Variants in NHSL1 observed in about 807,000 individuals in gnomAD.
NHSL1 encodes NHS like 1, also known as NHS-like protein 1.
Under a neutral mutation model 95.0 loss-of-function variants are expected in NHSL1, and 48 were observed. The observed-to-expected ratio is 0.51, with a 90% CI of 0.40 to 0.64. The LOEUF is 0.64. NHSL1 is among the 30% of genes least tolerant of loss of function. NHSL1 has a pLI of 0.00. For missense variants in NHSL1, 1,971 were observed against 2,077.7 expected (o/e 0.95, Z 1.00); for synonymous variants, 783 against 833.9 (o/e 0.94, Z 1.05).
At chr6:138,635,116 C>T (rs1784871155) in intron 1 of NHSL1, among the ~76,000 whole-genome samples, 2 of 148,970 alleles carry the variant, frequency 1.3e-5, no homozygotes, top group South Asian at 4.3e-4. Flanking sequence ...CCTAACAATA[C>T]ATCTTAATTA....
rs77852566 is a variant in NHSL1 at position 138,506,028 on chromosome 6, A to C, written c.17-9657T>G. On this transcript the variant is annotated intron_variant, in intron 1 of 4. Coordinates refer to the NHSL1 transcript ENST00000342260. ...TCTATAGACACACCCATTCATTCTT[A>C]TGCTTTTCAGACTCATTGAAACATT... Among the ~76,000 whole-genome samples the C allele has an allele frequency of 3.3e-5, 5 of 152,328 alleles. No homozygotes were observed. In the East Asian group the frequency reaches 9.6e-4, roughly 29 times the overall value.
intron 1 of NHSL1, among the ~76,000 whole-genome samples, chr6:138,670,362 G>T (rs552041633): frequency 6.8e-6 from 1 of 146,802 alleles, no homozygotes; most frequent in Admixed American, 6.7e-5. Context: ...AGCAAACACC[G>T]TTGAAGGTAA....
At chr6:138,677,388 A>G (rs1009041498) in intron 1 of NHSL1, among the ~76,000 whole-genome samples, 8 of 152,256 alleles carry the variant, frequency 5.3e-5, no homozygotes, top group African/African-American at 1.4e-4. Context: ...GATGCTGTTT[A>G]AAGTTCTAGG....
chr6:138,469,681 C>T (rs915181244), intron 3 of NHSL1, among the ~76,000 whole-genome samples: 3 of 151,990 alleles, frequency 2.0e-5, no homozygotes, highest in South Asian at 2.1e-4. Flanking sequence ...ACCGTGACTG[C>T]GCCACTGCAC....
At chr6:138,483,902 G>C (rs182853209) in intron 2 of NHSL1, among the ~76,000 whole-genome samples, 1 of 152,248 alleles carries the variant, frequency 6.6e-6, no homozygotes, top group East Asian at 1.9e-4. Context: ...ATATGACAAA[G>C]GTGATGGCCC....
intron 1 of NHSL1, among the ~76,000 whole-genome samples, chr6:138,612,910 T>C (rs1337546359): frequency 6.6e-6 from 1 of 152,214 alleles, no homozygotes; most frequent in Non-Finnish European, 1.5e-5. Context: ...GGAAAGGGCA[T>C]GGAGATACCA....
chr6:138,663,459 TAA>T (rs1785253902), intron 1 of NHSL1, among the ~76,000 whole-genome samples: 1 of 144,240 alleles, frequency 6.9e-6, no homozygotes, highest in Admixed American at 7.2e-5. Context: ...CGCGGGAGGC[TAA>T]AGGCAGGAGA....
At chr6:138,645,898 C>T (rs191569027) in intron 1 of NHSL1, among the ~76,000 whole-genome samples, 28 of 152,222 alleles carry the variant, frequency 1.8e-4, no homozygotes, top group Middle Eastern at 3.4e-3. Flanking sequence ...TAAAAGGTGT[C>T]TGGCAGAAAA....
chr6:138,452,348 T>A (rs2128225263), intron 3 of NHSL1, among the ~76,000 whole-genome samples: 1 of 152,296 alleles, frequency 6.6e-6, no homozygotes, highest in East Asian at 1.9e-4. Context: ...TGAAATAGGG[T>A]CTCTTTCCCA....
Position 138,584,637 on chromosome 6 carries a change from G to A in NHSL1, c.97-88266C>T, listed in dbSNP as rs1286424066. Among the ~76,000 whole-genome samples the A allele has an allele frequency of 5.9e-5, 9 of 152,130 alleles. 1 individual carries two copies. Among genetic ancestry groups the A allele is most frequent in the African/African-American group, 1.4e-4 (6 of 41,422 alleles). ...GAACACTTAAGACACTCAGACACTC[G>A]GAAATTTGAGGTTGAAACACTTGTT... is the stretch of plus-strand genomic sequence containing the variant. On this transcript the variant is annotated intron_variant, in intron 1 of 3. Coordinates refer to the NHSL1 transcript ENST00000491526.
At chr6:138,562,788 C>G (rs1783462903) in intron 1 of NHSL1, among the ~76,000 whole-genome samples, 1 of 152,134 alleles carries the variant, frequency 6.6e-6, no homozygotes, top group South Asian at 2.1e-4. Flanking sequence ...CCTAGATGAC[C>G]TGGTTCTAAC....
At chr6:138,687,302 G>T (rs903750621) in intron 1 of NHSL1, among the ~76,000 whole-genome samples, 2 of 151,742 alleles carry the variant, frequency 1.3e-5, no homozygotes, top group African/African-American at 4.8e-5. Flanking sequence ...AGAAGAAGAA[G>T]ACGAAGTGCA....
intron 1 of NHSL1, among the ~76,000 whole-genome samples, chr6:138,513,394 A>G (rs1420277279): frequency 6.6e-6 from 1 of 151,918 alleles, no homozygotes; most frequent in Non-Finnish European, 1.5e-5. Context: ...TTCTTTTTCC[A>G]GAGACAGGGA....
chr6:138,686,022 T>A (rs1785580696), intron 1 of NHSL1, among the ~76,000 whole-genome samples: 1 of 152,162 alleles, frequency 6.6e-6, no homozygotes, highest in African/African-American at 2.4e-5. Flanking sequence ...TACCAAGGGC[T>A]GTAGGAAGAA....
intron 1 of NHSL1, among the ~76,000 whole-genome samples, chr6:138,577,813 T>G (rs1161970435): frequency 9.9e-5 from 15 of 152,144 alleles, no homozygotes; most frequent in Non-Finnish European, 1.8e-4. Flanking sequence ...TATCTCAATA[T>G]CAAAAGTAAA....
chr6:138,660,651 A>G (rs1785214996), intron 1 of NHSL1, among the ~76,000 whole-genome samples: 1 of 150,254 alleles, frequency 6.7e-6, no homozygotes, highest in Admixed American at 6.7e-5. Flanking sequence ...AAAAAAAAAA[A>G]GAAAAAAAAA....
At chr6:138,566,369 G>A (rs1363734662) in intron 1 of NHSL1, among the ~76,000 whole-genome samples, 3 of 151,890 alleles carry the variant, frequency 2.0e-5, no homozygotes, top group Non-Finnish European at 4.4e-5. Flanking sequence ...CTGCACTCCA[G>A]CCTGGGCGAC....
At chr6:138,569,028 A>C (rs1163274455) in intron 1 of NHSL1, among the ~76,000 whole-genome samples, 1 of 152,204 alleles carries the variant, frequency 6.6e-6, no homozygotes, top group Non-Finnish European at 1.5e-5. Flanking sequence ...GGAGCTCAGC[A>C]GGCTAATGGT....
At chr6:138,634,180 C>T (rs2114666635) in intron 1 of NHSL1, among the ~76,000 whole-genome samples, 1 of 151,884 alleles carries the variant, frequency 6.6e-6, no homozygotes, top group East Asian at 1.9e-4. Context: ...AACCAGAAAA[C>T]AACAAAATGG....
Sources: gnomAD v4.1 joint callset for allele counts (sites outside exome capture counted in the v4.1 genomes callset) on GRCh38, gnomAD v4.1.1 for gene constraint, MANE v1.5 for transcripts, NCBI Gene and HGNC (gene_info 2026-07-23, HGNC 2026-07-21) for gene names.